Variants in MROH7 observed in about 807,000 individuals in gnomAD.
The protein encoded by MROH7 is maestro heat-like repeat-containing protein family member 7.
MROH7 carries 113 observed loss-of-function variants against 129.2 expected under a neutral mutation model. The observed-to-expected ratio is 0.87, with a 90% CI of 0.75 to 1.02. The LOEUF (loss-of-function observed/expected upper bound fraction) is 1.02, where lower values mean the gene tolerates loss of function less well. Among genes scored for constraint, MROH7 ranks in the 50% least tolerant of loss-of-function variants. MROH7 has a pLI of 0.00. For synonymous variants in MROH7, 655 were observed against 667.9 expected (o/e 0.98, Z 0.30); for missense variants, 1,601 against 1,671.3 (o/e 0.96, Z 0.73).
intron 17 of MROH7, chr1:54,699,480 T>C (rs1167776550): frequency 6.6e-6 from 1 of 151,676 alleles, no homozygotes; most frequent in East Asian, 1.9e-4. Flanking sequence ...GTATTTTTAG[T>C]AGAGATGGGG....
intron 16 of MROH7, among the ~76,000 whole-genome samples, chr1:54,693,558 A>G (rs2101178717): frequency 6.6e-6 from 1 of 152,280 alleles, no homozygotes; most frequent in Non-Finnish European, 1.5e-5. Flanking sequence ...AAGTCTGGAG[A>G]GGAATTGTCA....
chr1:54,708,566 A>T (rs925441167), intron 22 of MROH7, among the ~76,000 whole-genome samples: 1 of 152,206 alleles, frequency 6.6e-6, no homozygotes, highest in Non-Finnish European at 1.5e-5. Context: ...GTCATCAGAA[A>T]CATATCCTTG....
intron 9 of MROH7, 101 bp downstream of exon 9, chr1:54,673,906 T>A: frequency 6.5e-7 from 1 of 1,528,460 alleles, no homozygotes; most frequent in Admixed American, 1.7e-5. Context: ...GCTCTTGCCA[T>A]CTTCAGAGGG....
chr1:54,668,788 G>A, intron 4 of MROH7, 66 bp from the exon 5 acceptor site: 2 of 1,286,450 alleles, frequency 1.6e-6, no homozygotes, highest in Non-Finnish European at 2.3e-6. Flanking sequence ...TGCTGTATGG[G>A]CAACCCCTGA....
Position 54,679,420 on chromosome 1 carries a change from G to A in MROH7, c.2207G>A (p.Arg736His), listed in dbSNP as rs374825894. 18 of 1,613,498 alleles carry A rather than the reference G, an allele frequency of 1.1e-5. No individual in the cohort carries two copies. The highest frequency in any genetic ancestry group is 1.3e-5 in the African/African-American group (1 of 74,928). ...VMLSSVLEWY[R>H]HRALEVIPEI... is the part of the protein sequence containing the mutation. ...CTCAGCTCGGTGCTGGAGTGGTACC[G>A]CCACAGGGCGCTGGAGGTGGTAAGG... Residue 736 changes from arginine (R) to histidine (H), a missense_variant, in exon 12 of 24, where the codon CGC becomes CAC. Transcript: ENST00000421030.
chr1:54,667,313 A>G (rs1644829133), intron 4 of MROH7, among the ~76,000 whole-genome samples: 1 of 152,154 alleles, frequency 6.6e-6, no homozygotes. Flanking sequence ...CCACCCCAGA[A>G]TTTAGTGGTT....
chr1:54,679,474 C>A (rs766548258), intron 12 of MROH7, 35 bp downstream of exon 12: 25 of 1,599,170 alleles, frequency 1.6e-5, no homozygotes, highest in Non-Finnish European at 2.0e-5. Flanking sequence ...TGAACTGTCA[C>A]TGGGGCTCGG....
chr1:54,665,016 C>T, intron 3 of MROH7, 151 bp from the exon 4 acceptor site: 1 of 578,188 alleles, frequency 1.7e-6, no homozygotes, highest in Non-Finnish European at 3.1e-6. Context: ...GAGACTGTCT[C>T]AAAAAAAAGG....
chr1:54,680,307 T>A (rs79090802), intron 13 of MROH7, among the ~76,000 whole-genome samples: 2 of 152,176 alleles, frequency 1.3e-5, no homozygotes, highest in Non-Finnish European at 2.9e-5. Context: ...GTTTCTTGCC[T>A]TAGGTACTCA....
chr1:54,649,935 G>A (rs1701999), intron 1 of MROH7, among the ~76,000 whole-genome samples: 106,550 of 152,168 alleles, frequency 0.7, 38,143 homozygotes, highest in East Asian at 0.89. Flanking sequence ...TGGTAAGTGA[G>A]CATTTCTTGC....
chr1:54,651,705 G>C (rs1644558103), intron 1 of MROH7: 1 of 152,550 alleles, frequency 6.6e-6, no homozygotes, highest in Admixed American at 6.6e-5. Flanking sequence ...CTTAGAGATG[G>C]TGTTGGCTGC....
At chr1:54,643,055 C>T (rs533555837) in intron 1 of MROH7, among the ~76,000 whole-genome samples, 1 of 152,258 alleles carries the variant, frequency 6.6e-6, no homozygotes, top group South Asian at 2.1e-4. Context: ...CCCTGTGTGC[C>T]ATGTGCTATG....
chr1:54,676,505 G>A (rs899584446), intron 10 of MROH7, among the ~76,000 whole-genome samples: 11 of 152,184 alleles, frequency 7.2e-5, no homozygotes, highest in African/African-American at 2.4e-4. Flanking sequence ...CGCCTCCCAG[G>A]TTCAAGCGAT....
At position 54,673,718 on chromosome 1, in the gene MROH7, G is replaced by A; in HGVS notation, c.1713G>A (p.Met571Ile). 4 of 1,614,052 alleles carry A rather than the reference G, an allele frequency of 2.5e-6. No individual in the cohort carries two copies. The South Asian group carries it at 4.4e-5, about 18-fold the overall frequency. Residue 571 changes from methionine to isoleucine, a missense_variant, in exon 9 of 24, where the codon ATG becomes ATA. By Grantham distance (10) the Met-to-Ile change is conservative. Transcript: ENST00000421030. ...KSILEALGPW[M>I]NSGKAHERAR... ...TCCCACAGGCCCTGGGGCCTTGGATGAACTCTGGGAAGGCCCATGAGCGAG... is the reference window on the plus strand; with the variant it reads ...TCCCACAGGCCCTGGGGCCTTGGATAAACTCTGGGAAGGCCCATGAGCGAG...
At chr1:54,683,782 A>G (rs1645107055) in intron 14 of MROH7, among the ~76,000 whole-genome samples, 1 of 152,116 alleles carries the variant, frequency 6.6e-6, no homozygotes, top group African/African-American at 2.4e-5. Context: ...TCTACCTAGA[A>G]TGCTCTCCAC....
intron 1 of MROH7, among the ~76,000 whole-genome samples, chr1:54,650,204 C>T (rs1042924488): frequency 3.9e-5 from 6 of 152,276 alleles, no homozygotes; most frequent in Admixed American, 2.6e-4. Flanking sequence ...TTTATGTGTT[C>T]CCTATCTTAG....
chr1:54,697,976 G>T (rs1156441056), intron 17 of MROH7: 2 of 366,456 alleles, frequency 5.5e-6, no homozygotes, highest in Non-Finnish European at 9.8e-6. Flanking sequence ...TGCAGCAAGG[G>T]TCTTGGCCCA....
chr1:54,682,854 C>G, intron 14 of MROH7, 60 bp downstream of exon 14: 1 of 1,574,524 alleles, frequency 6.4e-7, no homozygotes, highest in Non-Finnish European at 8.6e-7. Context: ...CTCTCCTTCC[C>G]TCCTGCTGAG....
intron 3 of MROH7, among the ~76,000 whole-genome samples, chr1:54,656,282 T>C (rs1032690762): frequency 6.7e-6 from 1 of 150,216 alleles, no homozygotes; most frequent in Non-Finnish European, 1.5e-5. Flanking sequence ...GAGGCTGTGG[T>C]GGGCAGATCA....
Sources: gnomAD v4.1 joint callset for allele counts (sites outside exome capture counted in the v4.1 genomes callset) on GRCh38, gnomAD v4.1.1 for gene constraint, MANE v1.5 for transcripts, NCBI Gene and HGNC (gene_info 2026-07-23, HGNC 2026-07-21) for gene names.